The following ABHD1 variants were observed in gnomAD, a reference collection of about 807,000 sequenced individuals.
ABHD1 encodes protein ABHD1.
ABHD1 carries 47 observed loss-of-function variants against 41.4 expected under a neutral mutation model. The observed-to-expected ratio is 1.13, with a 90% CI of 0.90 to 1.45. The LOEUF is 1.45. Ranked by LOEUF, ABHD1 falls within the 40% of genes most tolerant of loss-of-function variation. ABHD1 has a pLI of 0.00. For missense variants in ABHD1, 550 were observed against 503.4 expected (o/e 1.09, Z -0.89); for synonymous variants, 205 against 203.7 (o/e 1.01, Z -0.05).
intron 1 of ABHD1, 39 bp from the exon 2 acceptor site, chr2:27,128,402 A>G (rs1210320959): frequency 1.2e-6 from 2 of 1,612,202 alleles, no homozygotes; most frequent in Admixed American, 1.7e-5. Context: ...GCTTGGTGCA[A>G]AAGTCAGGGA....
chr2:27,124,930 CG>C (rs1671897028), intron 1 of ABHD1: 1 of 152,234 alleles, frequency 6.6e-6, no homozygotes, highest in Non-Finnish European at 1.5e-5. Flanking sequence ...CGCCTGAGGT[CG>C]GGAGTTCGAG....
intron 1 of ABHD1, chr2:27,126,853 G>A (rs1199000616): frequency 6.6e-6 from 1 of 151,786 alleles, no homozygotes; most frequent in Non-Finnish European, 1.5e-5. Context: ...TGTAATCCCA[G>A]CACTTTGGGA....
At chr2:27,125,546 G>A (rs1671925116) in intron 1 of ABHD1, 1 of 152,108 alleles carries the variant, frequency 6.6e-6, no homozygotes, top group African/African-American at 2.4e-5. Flanking sequence ...TCAAACCTGT[G>A]AACAAATTTA....
Position 27,128,527 on chromosome 2 carries a change from G to A in ABHD1, c.201G>A (p.Leu67=), listed in dbSNP as rs199882850. The change falls in exon 2 of 9, where the codon CTG becomes CTA. Residue 67 remains leucine, a synonymous_variant. Coordinates refer to ENST00000316470, the MANE Select transcript of ABHD1 (RefSeq NM_032604.4). The part of the protein sequence containing the change: ...SITTETFYPT[L]WCFEGRLQSI... ...CCACCGAGACTTTCTACCCAACGCT[G>A]TGGTGTTTTGAGGGGCGACTACAAA... 63 of 1,613,966 alleles carry A rather than the reference G, an allele frequency of 3.9e-5. No homozygotes were observed. The African/African-American group carries it at 6.4e-4, about 16-fold the overall frequency.
chr2:27,125,069 A>C (rs1671905396), intron 1 of ABHD1: 1 of 151,568 alleles, frequency 6.6e-6, no homozygotes, highest in African/African-American at 2.4e-5. Flanking sequence ...TGAACCTGGG[A>C]GGCGGAGGTT....
At position 27,128,493 on chromosome 2, in the gene ABHD1, G is replaced by T. The variant is rs1326930755; in HGVS notation, c.167G>T (p.Cys56Phe). Residue 56 changes from cysteine to phenylalanine, a missense_variant, in exon 2 of 9, where the codon TGT becomes TTT. Coordinates refer to ENST00000316470, the MANE Select transcript of ABHD1 (RefSeq NM_032604.4). Reference sequence around the variant, plus strand: ...TTTCTGGCCTTCCTGGAGCCACACTGTTCCATCACCACCGAGACTTTCTAC... The same window carrying T: ...TTTCTGGCCTTCCTGGAGCCACACTTTTCCATCACCACCGAGACTTTCTAC... ...PQFLAFLEPH[C>F]SITTETFYPT... 1 of 1,612,354 alleles carries T rather than the reference G, an allele frequency of 6.2e-7. No individual in the cohort carries two copies. The highest frequency in any genetic ancestry group is 2.2e-5 in the East Asian group (1 of 44,760).
chr2:27,128,736 TG>T, intron 2 of ABHD1, 135 bp downstream of exon 2: 1 of 1,323,560 alleles, frequency 7.6e-7, no homozygotes, highest in Non-Finnish European at 1.0e-6. Context: ...GGATGTTATA[TG>T]GAAGGGCTAT....
Position 27,129,357 on chromosome 2 carries a change from T to A in ABHD1, c.500T>A (p.Leu167Gln). The A allele has an allele frequency of 6.2e-7, 1 of 1,614,166 alleles. No individual in the cohort carries two copies. Among genetic ancestry groups the A allele is most frequent in the South Asian group, 1.1e-5 (1 of 91,078 alleles). Residue 167 changes from leucine to glutamine, a missense_variant, in exon 4 of 9, where the codon CTG (leucine) becomes CAG (glutamine). By Grantham distance (113) the Leu-to-Gln change is moderately radical. Coordinates refer to ENST00000316470, the MANE Select transcript of ABHD1 (RefSeq NM_032604.4). ...AACCGGGGCTGCCGTGGGGAGGAAC[T>A]GCGGGTGAGTAGCTGCCTTCCTCAT... ...FNNRGCRGEE[L>Q]RTHRAFCASN...
At position 27,127,547 on chromosome 2, in the gene ABHD1, C is replaced by CT. The variant is rs1672016231; in HGVS notation, c.115-893dup. On this transcript the variant is annotated intron_variant, in intron 1 of 8. Transcript: ENST00000316470. ...CCAGCCTGGGCAACAGAGCGAGACTCTGTCTCAAAAAAAAAAAAAAAAAAG... is the reference window on the plus strand; with the variant it reads ...CCAGCCTGGGCAACAGAGCGAGACTCTTGTCTCAAAAAAAAAAAAAAAAAAG... Among the ~76,000 whole-genome samples the CT allele has an allele frequency of 6.3e-5, 4 of 63,690 alleles. No individual in the cohort carries two copies. The South Asian group carries it at 2.3e-3, about 36-fold the overall frequency. 41.8% of individuals were successfully genotyped at this position (63,690 alleles called of 152,430 possible). A position where few individuals can be genotyped will look rare whatever the true frequency, so the allele number is the denominator to read the frequency against.
chr2:27,128,303 G>C, intron 1 of ABHD1, 138 bp from the exon 2 acceptor site: 1 of 1,020,870 alleles, frequency 9.8e-7, no homozygotes, highest in South Asian at 1.3e-5. Flanking sequence ...GAGCTGTGCT[G>C]AGTATCTCAC....
At chr2:27,126,862 G>A (rs1214531660) in intron 1 of ABHD1, 3 of 151,866 alleles carry the variant, frequency 2.0e-5, no homozygotes, top group Admixed American at 6.6e-5. Context: ...AGCACTTTGG[G>A]AGGCCGAGGT....
In ABHD1 at chr2:27,127,593, C is replaced by T. The variant is rs149196914; in HGVS notation, c.115-848C>T. Among the ~76,000 whole-genome samples the T allele has an allele frequency of 5.1e-3, 739 of 146,134 alleles. 11 individuals are homozygous for T. The highest frequency in any genetic ancestry group is 0.017 in the African/African-American group (693 of 39,958). On this transcript the variant is annotated intron_variant, in intron 1 of 8. Transcript: ENST00000316470. ...AAAAGAAAAAAAAAAGATGGTGTCT[C>T]GCTCTATCACCAGGCTGGAGTGCAG... is the stretch of plus-strand genomic sequence containing the variant.
At chr2:27,127,580 A>G (rs1672022913) in intron 1 of ABHD1, among the ~76,000 whole-genome samples, 1 of 142,550 alleles carries the variant, frequency 7.0e-6, no homozygotes, top group Admixed American at 7.0e-5. Context: ...AAGAAAAAAA[A>G]AAGATGGTGT....
intron 1 of ABHD1, among the ~76,000 whole-genome samples, chr2:27,127,562 AAAAAAAAAAG>A (rs1672019509): frequency 1.9e-5 from 1 of 53,646 alleles, no homozygotes; most frequent in Non-Finnish European, 6.0e-5. Context: ...TCAAAAAAAA[AAAAAAAAAAG>A]AAAAAAAAAA....
chr2:27,124,022 T>C lies in ABHD1; in HGVS notation c.74T>C (p.Val25Ala), dbSNP rs753051527. ...DTFSLLLALA[V>A]ALYLGYYWAC... is the part of the protein sequence containing the mutation. ...TTCTCTCTGCTCTTGGCTCTTGCCG[T>C]TGCCCTCTACTTGGGCTACTACTGG... The change falls in exon 1 of 9, where the codon GTT becomes GCT. Residue 25 changes from valine (V) to alanine (A), a missense_variant. Transcript: ENST00000316470. The C allele has an allele frequency of 8.1e-6, 13 of 1,614,218 alleles. No individual in the cohort carries two copies. Among genetic ancestry groups the C allele is most frequent in the Non-Finnish European group, 1.1e-5 (13 of 1,180,042 alleles).
rs781720939 is a variant in ABHD1, at chr2:27,130,749, A to C, written c.*5A>C. Reference sequence around the variant, plus strand: ...TCTGAGGACAGAAACAGCTGACAAGAGTACCATTTGGGGTCTCAGTTCACT... The same window carrying C: ...TCTGAGGACAGAAACAGCTGACAAGCGTACCATTTGGGGTCTCAGTTCACT... On this transcript the variant is annotated 3_prime_UTR_variant, in exon 9 of 9. Coordinates refer to ENST00000316470, the MANE Select transcript of ABHD1 (RefSeq NM_032604.4). 6.2e-7 allele frequency: 1 copy of C among 1,613,304 alleles called. No individual in the cohort carries two copies. The highest frequency in any genetic ancestry group is 8.5e-7 in the Non-Finnish European group (1 of 1,179,300).
chr2:27,123,971 C>T lies in ABHD1; in HGVS notation c.23C>T (p.Pro8Leu), dbSNP rs1371504076. 22 of 1,614,128 alleles carry T rather than the reference C, an allele frequency of 1.4e-5. No homozygotes were observed. Among genetic ancestry groups the T allele is most frequent in the Non-Finnish European group, 1.7e-5 (20 of 1,180,046 alleles). ...AAGATGCTGAGCTCCTTCCTGAGCC[C>T]CCAGAATGGCACCTGGGCAGACACC... is the stretch of plus-strand genomic sequence containing the variant. The part of the protein sequence containing the change: MLSSFLS[P>L]QNGTWADTFS... The change falls in exon 1 of 9, where the codon CCC becomes CTC. Residue 8 changes from proline to leucine, a missense_variant. Transcript: ENST00000316470.
intron 3 of ABHD1, 76 bp from the exon 4 acceptor site, chr2:27,129,240 C>T (rs1327869073): frequency 6.2e-7 from 1 of 1,602,326 alleles, no homozygotes; most frequent in African/African-American, 1.3e-5. Context: ...AGTCTTTGGA[C>T]AGGGGTCTTT....
chr2:27,129,959 G>A lies in ABHD1; in HGVS notation c.791+32G>A, dbSNP rs201450092. On this transcript the variant is annotated intron_variant, in intron 6 of 8. Transcript: ENST00000316470. ...TCGTGGCAAGTGGGAGGAGGCAGTA[G>A]ACAGAGTAGGATGGCAGACACTCCA... 3.1e-6 allele frequency: 5 copies of A among 1,613,380 alleles called. No homozygotes were observed. The Admixed American group carries it at 5.0e-5, about 16-fold the overall frequency.
Sources: allele counts gnomAD v4.1 joint callset (sites outside exome capture counted in the v4.1 genomes callset), GRCh38; gene constraint gnomAD v4.1.1; transcripts MANE v1.5; gene names NCBI Gene and HGNC (gene_info 2026-07-23, HGNC 2026-07-21).